LY86: variants seen among roughly 807,000 people sequenced by gnomAD.
The protein encoded by LY86 is lymphocyte antigen 86, also known as MD-1, RP105-associated.
A neutral mutation model predicts 17.3 loss-of-function variants in LY86; 20 were observed. The observed-to-expected ratio is 1.15, with a 90% CI of 0.81 to 1.68. The LOEUF is 1.68. Ranked by LOEUF, LY86 falls within the 40% of genes most tolerant of loss-of-function variation. The probability of loss-of-function intolerance (pLI) is 0.00; values close to 1 mark genes in which losing one functional copy is unlikely to be tolerated. For missense variants in LY86, 200 were observed against 191.9 expected (o/e 1.04, Z -0.25); for synonymous variants, 74 against 70.6 (o/e 1.05, Z -0.24).
intron 1 of LY86, among the ~76,000 whole-genome samples, chr6:6,611,970 A>T (rs77819303): frequency 0.031 from 3,875 of 124,576 alleles, 81 homozygotes; most frequent in Middle Eastern, 0.097. Flanking sequence ...TCTACTTGAA[A>T]GGATATCTAC....
chr6:6,608,233 T>A (rs1761243844), intron 1 of LY86, among the ~76,000 whole-genome samples: 1 of 152,256 alleles, frequency 6.6e-6, no homozygotes, highest in African/African-American at 2.4e-5. Context: ...TACTATTATG[T>A]GCATATAATA....
At chr6:6,613,594 G>C (rs1403863869) in intron 1 of LY86, among the ~76,000 whole-genome samples, 2 of 152,172 alleles carry the variant, frequency 1.3e-5, no homozygotes, top group Non-Finnish European at 2.9e-5. Flanking sequence ...GCCCGCAAGC[G>C]CCGCGCGCCG....
intron 4 of LY86, among the ~76,000 whole-genome samples, chr6:6,651,757 T>C (rs1220012041): frequency 6.6e-6 from 1 of 152,044 alleles, no homozygotes; most frequent in African/African-American, 2.4e-5. Context: ...GAAAACCCCT[T>C]TGAAAGTAAG....
intron 1 of LY86, among the ~76,000 whole-genome samples, chr6:6,593,456 A>G (rs963207410): frequency 7.2e-5 from 11 of 152,240 alleles, no homozygotes; most frequent in African/African-American, 2.7e-4. Context: ...TAAGAGGTAG[A>G]CATCTTTGGG....
chr6:6,649,310 A>G lies in LY86; in HGVS notation c.353-315A>G, dbSNP rs539062695. 1.1e-4 allele frequency among the ~76,000 whole-genome samples: 17 copies of G among 152,364 alleles called. 1 individual carries two copies. The East Asian group carries it at 3.3e-3, about 29-fold the overall frequency. On this transcript the variant is annotated intron_variant, in intron 3 of 4. Transcript: ENST00000230568. The stretch of plus-strand genomic sequence containing the variant: ...ACATGCAGGAATTATGGAAACTACA[A>G]TTCAAGATGAGATTTGAGTGGGGAC...
Position 6,588,765 on chromosome 6 carries a change from T to C in LY86, c.31T>C (p.Trp11Arg). The change falls in exon 1 of 5, where the codon TGG becomes CGG. Residue 11 changes from tryptophan (W) to arginine (R), a missense_variant. Physicochemically the swap from Trp to Arg is moderately radical, Grantham distance 101. Coordinates refer to ENST00000230568, the MANE Select transcript of LY86 (RefSeq NM_004271.4). ...GGGTTTCACAGCCACTCTCTTCCTC[T>C]GGACTCTGATTTTTCCCAGCTGCAG... MKGFTATLFL[W>R]TLIFPSCSGG... 3 of 1,614,210 alleles carry C rather than the reference T, an allele frequency of 1.9e-6. No individual in the cohort carries two copies. Among genetic ancestry groups the C allele is most frequent in the Non-Finnish European group, 2.5e-6 (3 of 1,180,012 alleles).
At chr6:6,603,091 C>G (rs1760964731) in intron 1 of LY86, among the ~76,000 whole-genome samples, 1 of 151,952 alleles carries the variant, frequency 6.6e-6, no homozygotes, top group South Asian at 2.1e-4. Context: ...CCGACTCTGT[C>G]CTTATATGGC....
intron 1 of LY86, among the ~76,000 whole-genome samples, chr6:6,615,373 T>G (rs1761527754): frequency 6.6e-6 from 1 of 152,232 alleles, no homozygotes; most frequent in Non-Finnish European, 1.5e-5. Context: ...TCTCAAGGGC[T>G]GGGAGGCCCC....
chr6:6,654,426 C>A, intron 4 of LY86, 118 bp from the exon 5 acceptor site: 1 of 752,870 alleles, frequency 1.3e-6, no homozygotes, highest in South Asian at 1.7e-5. Context: ...TCTTGTTCTA[C>A]GTTATCCACA....
chr6:6,599,578 T>C (rs377590202), intron 1 of LY86, among the ~76,000 whole-genome samples: 19 of 152,300 alleles, frequency 1.2e-4, no homozygotes, highest in Admixed American at 9.8e-4. Context: ...TGGTGAAGCA[T>C]TGGGTTGCAG....
At chr6:6,649,573 CA>C (rs1381579752) in intron 3 of LY86, 51 bp from the exon 4 acceptor site, 2 of 1,142,114 alleles carry the variant, frequency 1.8e-6, no homozygotes, top group African/African-American at 1.6e-5. Flanking sequence ...GTGAATGAAT[CA>C]TTTTTTTAAA....
intron 2 of LY86, 140 bp downstream of exon 2, chr6:6,625,152 A>G (rs938853694): frequency 5.8e-6 from 3 of 517,086 alleles, no homozygotes; most frequent in Admixed American, 4.1e-5. Flanking sequence ...CTCTATTTAT[A>G]TCTTCATTTT....
At chr6:6,603,056 ACT>A (rs1404762236) in intron 1 of LY86, among the ~76,000 whole-genome samples, 3 of 151,996 alleles carry the variant, frequency 2.0e-5, no homozygotes, top group South Asian at 2.1e-4. Context: ...GGGAGCGCTC[ACT>A]CTCTGCTTTA....
chr6:6,653,831 C>A (rs1170479052), intron 4 of LY86, among the ~76,000 whole-genome samples: 2 of 152,220 alleles, frequency 1.3e-5, no homozygotes, highest in Non-Finnish European at 2.9e-5. Flanking sequence ...GCTGTTCTTT[C>A]AAAATCTCTC....
At chr6:6,619,042 C>T (rs1761616545) in intron 1 of LY86, among the ~76,000 whole-genome samples, 1 of 152,176 alleles carries the variant, frequency 6.6e-6, no homozygotes, top group Admixed American at 6.5e-5. Flanking sequence ...TGCGATTTTA[C>T]TGAAGCCTTA....
chr6:6,617,910 G>A (rs1442523831), intron 1 of LY86, among the ~76,000 whole-genome samples: 3 of 152,254 alleles, frequency 2.0e-5, no homozygotes, highest in South Asian at 2.1e-4. Context: ...GCGCGATCTC[G>A]GCACACTGCA....
At position 6,654,524 on chromosome 6, in the gene LY86, T is replaced by C; in HGVS notation, c.406-20T>C. 6.3e-7 allele frequency: 1 copy of C among 1,594,384 alleles called. No individual in the cohort carries two copies. The highest frequency in any genetic ancestry group is 1.3e-5 in the African/African-American group (1 of 74,690). The stretch of plus-strand genomic sequence containing the variant: ...GTACTGTGGGTCACACGTCTAATAC[T>C]TGACCTGTGCCCCTTGCAGGGAGAA... On this transcript the variant is annotated intron_variant, in intron 4 of 4. Coordinates refer to ENST00000230568, the MANE Select transcript of LY86 (RefSeq NM_004271.4).
intron 3 of LY86, among the ~76,000 whole-genome samples, chr6:6,629,512 T>A (rs1479158362): frequency 6.6e-6 from 1 of 152,248 alleles, no homozygotes; most frequent in East Asian, 1.9e-4. Context: ...GGCTTGCAGG[T>A]CCTTCTTAGC....
chr6:6,613,657 G>T (rs968807600), intron 1 of LY86, among the ~76,000 whole-genome samples: 1 of 152,228 alleles, frequency 6.6e-6, no homozygotes, highest in Non-Finnish European at 1.5e-5. Context: ...AGCTGAGGGA[G>T]CCGGCTCCGG....
Sources: allele counts gnomAD v4.1 joint callset (sites outside exome capture counted in the v4.1 genomes callset), GRCh38; gene constraint gnomAD v4.1.1; transcripts MANE v1.5; gene names NCBI Gene and HGNC (gene_info 2026-07-23, HGNC 2026-07-21).